The following NLGN4X variants were observed in gnomAD, a reference collection of about 807,000 sequenced individuals.
The protein encoded by NLGN4X is neuroligin-4, X-linked.
NLGN4X carries 3 observed loss-of-function variants against 40.3 expected under a neutral mutation model. The observed-to-expected ratio is 0.07, with a 90% CI of 0.03 to 0.19. The LOEUF (loss-of-function observed/expected upper bound fraction) is 0.19, where lower values mean the gene tolerates loss of function less well. NLGN4X is among the 10% of genes least tolerant of loss of function. NLGN4X has a pLI of 1.00. For synonymous variants in NLGN4X, 270 were observed against 306.8 expected (o/e 0.88, Z 1.25); for missense variants, 382 against 708.3 (o/e 0.54, Z 5.23).
intron 3 of NLGN4X, among the ~76,000 whole-genome samples, chrX:5,941,183 GTGT>G (rs2033929219): frequency 1.7e-4 from 4 of 23,844 alleles, no homozygotes; most frequent in East Asian, 2.7e-3. Flanking sequence ...GCTAGGGGGT[GTGT>G]GTGTGTGTGT....
chrX:5,991,505 G>A (rs1386074421), intron 3 of NLGN4X: 9 of 519,780 alleles, frequency 1.7e-5, no homozygotes, highest in South Asian at 1.7e-4. Context: ...CAGTTTCCAT[G>A]AGCCAGTGTG....
At chrX:6,151,959 GT>G (rs1385079638) in intron 1 of NLGN4X, among the ~76,000 whole-genome samples, 188 bp from the exon 2 acceptor site, 4 of 110,666 alleles carry the variant, frequency 3.6e-5, no homozygotes, top group Non-Finnish European at 5.7e-5. Flanking sequence ...TATTTATTTT[GT>G]TTTTTTTAGA....
At chrX:6,046,033 T>C (rs1308045367) in intron 2 of NLGN4X, among the ~76,000 whole-genome samples, 8 of 112,066 alleles carry the variant, frequency 7.1e-5, no homozygotes, top group Non-Finnish European at 1.1e-4. Context: ...TGATTTGTCA[T>C]ATATATGCAC....
intron 1 of NLGN4X, among the ~76,000 whole-genome samples, chrX:6,155,247 G>GAGAACA (rs2040239631): frequency 8.9e-6 from 1 of 111,823 alleles, no homozygotes; most frequent in South Asian, 3.8e-4. Flanking sequence ...GGAGGTTTCT[G>GAGAACA]AGAACAAGAA....
intron 1 of NLGN4X, among the ~76,000 whole-genome samples, chrX:6,164,829 G>A (rs1026520887): frequency 2.7e-5 from 3 of 111,599 alleles, no homozygotes; most frequent in Middle Eastern, 4.6e-3. Context: ...TTAGGCAGAC[G>A]GCTCTATCTG....
At chrX:6,160,545 T>G (rs767125545) in intron 1 of NLGN4X, among the ~76,000 whole-genome samples, 1 of 109,639 alleles carries the variant, frequency 9.1e-6, no homozygotes, top group African/African-American at 3.3e-5. Flanking sequence ...TTTTTTTTTT[T>G]TTTGAGACAG....
chrX:5,945,494 G>A (rs764104082), intron 3 of NLGN4X, among the ~76,000 whole-genome samples: 3 of 112,090 alleles, frequency 2.7e-5, no homozygotes, highest in Admixed American at 9.5e-5. Context: ...ATCACATTTG[G>A]AAGCGAACTT....
intron 1 of NLGN4X, among the ~76,000 whole-genome samples, chrX:6,202,970 C>T (rs1048870997): frequency 6.2e-5 from 7 of 112,303 alleles, no homozygotes; most frequent in African/African-American, 1.9e-4. Flanking sequence ...CTCTGCAGAG[C>T]CTCATGCCAT....
chrX:6,107,424 G>T (rs902069068), intron 2 of NLGN4X, among the ~76,000 whole-genome samples: 3 of 111,626 alleles, frequency 2.7e-5, no homozygotes, highest in Non-Finnish European at 5.6e-5. Context: ...GTGTGAATAT[G>T]GGTCCTCCAT....
chrX:5,941,439 A>G (rs1373158044), intron 3 of NLGN4X, among the ~76,000 whole-genome samples: 1 of 111,534 alleles, frequency 9.0e-6, no homozygotes, highest in Admixed American at 9.6e-5. Flanking sequence ...TGAATAAAGT[A>G]AGTTGGGATA....
chrX:6,037,866 A>T (rs143427009), intron 2 of NLGN4X, among the ~76,000 whole-genome samples: 76 of 111,578 alleles, frequency 6.8e-4, no homozygotes, highest in South Asian at 1.5e-3. Context: ...CTTCTAATCC[A>T]ATGCAATATC....
intron 3 of NLGN4X, among the ~76,000 whole-genome samples, chrX:5,919,165 T>G (rs2032928123): frequency 8.9e-6 from 1 of 111,844 alleles, no homozygotes; most frequent in Admixed American, 9.5e-5. Flanking sequence ...ATAGTAACAA[T>G]TCTCCACTTC....
chrX:6,081,011 G>C (rs12836548), intron 2 of NLGN4X, among the ~76,000 whole-genome samples: 22,269 of 108,959 alleles, frequency 0.2, 1,791 homozygotes, highest in Admixed American at 0.25. Flanking sequence ...TATAGAGGCT[G>C]AGCGCAGTGA....
intron 2 of NLGN4X, among the ~76,000 whole-genome samples, chrX:6,115,277 C>G (rs1475890236): frequency 2.7e-5 from 3 of 111,574 alleles, no homozygotes; most frequent in African/African-American, 9.8e-5. Context: ...AAAACAAATT[C>G]TACAGGATCA....
chrX:6,166,996 C>T (rs1255180811), intron 1 of NLGN4X, among the ~76,000 whole-genome samples: 1 of 102,342 alleles, frequency 9.8e-6, no homozygotes, highest in East Asian at 3.1e-4. Flanking sequence ...GGCTTGAGCT[C>T]GAGACGGGGA....
At chrX:6,116,290 CAAAAAAAAAAAA>C (rs758019203) in intron 2 of NLGN4X, among the ~76,000 whole-genome samples, 1 of 16,167 alleles carries the variant, frequency 6.2e-5, no homozygotes, top group Non-Finnish European at 1.0e-4. Flanking sequence ...GAGACTCTGT[CAAAAAAAAAAAA>C]AAAAAAAAAA....
At chrX:6,170,693 T>TA (rs2040587559) in intron 1 of NLGN4X, among the ~76,000 whole-genome samples, 1 of 112,540 alleles carries the variant, frequency 8.9e-6, no homozygotes. Context: ...TCAGATTTCT[T>TA]AGCTTCTCCT....
chrX:6,070,344 G>T (rs1036593203), intron 2 of NLGN4X, among the ~76,000 whole-genome samples: 1 of 111,998 alleles, frequency 8.9e-6, no homozygotes, highest in African/African-American at 3.2e-5. Flanking sequence ...AATTTTAGAA[G>T]CACATAGTAG....
At chrX:6,188,984 G>C in intron 1 of NLGN4X, among the ~76,000 whole-genome samples, 1 of 112,341 alleles carries the variant, frequency 8.9e-6, no homozygotes, top group African/African-American at 3.2e-5. Flanking sequence ...TATTAAATAG[G>C]CTTCACAAAT....
Sources: allele counts gnomAD v4.1 joint callset (sites outside exome capture counted in the v4.1 genomes callset), GRCh38; gene constraint gnomAD v4.1.1; transcripts MANE v1.5; gene names NCBI Gene and HGNC (gene_info 2026-07-23, HGNC 2026-07-21).